The following CNTNAP2 variants were observed in gnomAD, a reference collection of about 807,000 sequenced individuals.
CNTNAP2 encodes contactin-associated protein-like 2.
Under a neutral mutation model 155.2 loss-of-function variants are expected in CNTNAP2, and 98 were observed. That is an observed-to-expected ratio of 0.63 (90% CI 0.54 to 0.75). The LOEUF is 0.75. Among genes scored for constraint, CNTNAP2 ranks in the 30% least tolerant of loss-of-function variants. The probability of loss-of-function intolerance (pLI) is 0.00; values close to 1 mark genes in which losing one functional copy is unlikely to be tolerated. For synonymous variants in CNTNAP2, 651 were observed against 631.2 expected (o/e 1.03, Z -0.47); for missense variants, 1,727 against 1,688.1 (o/e 1.02, Z -0.40).
chr7:147,315,100 AG>A (rs1795201243), intron 9 of CNTNAP2, among the ~76,000 whole-genome samples: 1 of 123,898 alleles, frequency 8.1e-6, no homozygotes, highest in Non-Finnish European at 1.8e-5. Flanking sequence ...AGAACCTTCT[AG>A]GGTACTTTAC....
At chr7:146,837,386 C>T (rs1258004717) in intron 2 of CNTNAP2, among the ~76,000 whole-genome samples, 1 of 152,018 alleles carries the variant, frequency 6.6e-6, no homozygotes, top group Admixed American at 6.6e-5. Flanking sequence ...GTAATTCTTA[C>T]TCCTAAAATT....
intron 1 of CNTNAP2, among the ~76,000 whole-genome samples, chr7:146,464,212 T>A (rs1280290260): frequency 7.7e-6 from 1 of 129,880 alleles, no homozygotes; most frequent in Non-Finnish European, 1.7e-5. Context: ...TTTTTGGCTC[T>A]CTTTCTTTTC....
At chr7:148,041,898 G>A (rs1455452226) in intron 15 of CNTNAP2, among the ~76,000 whole-genome samples, 1 of 152,122 alleles carries the variant, frequency 6.6e-6, no homozygotes, top group Non-Finnish European at 1.5e-5. Flanking sequence ...TTAAAAAACT[G>A]GATATAACTT....
At chr7:148,315,519 A>G (rs1193390531) in intron 21 of CNTNAP2, among the ~76,000 whole-genome samples, 4 of 152,114 alleles carry the variant, frequency 2.6e-5, no homozygotes, top group Non-Finnish European at 4.4e-5. Flanking sequence ...CTTCTTTTGT[A>G]GTGGAATGTC....
At chr7:146,533,611 T>A (rs1296830914) in intron 1 of CNTNAP2, among the ~76,000 whole-genome samples, 1 of 152,134 alleles carries the variant, frequency 6.6e-6, no homozygotes, top group Non-Finnish European at 1.5e-5. Context: ...TGTTCATGGT[T>A]CTTCATATTC....
In CNTNAP2 at chr7:147,386,474, A is replaced by G. The variant is rs1175814034; in HGVS notation, c.1499-9135A>G. 2.0e-5 allele frequency among the ~76,000 whole-genome samples: 3 copies of G among 152,256 alleles called. No homozygotes were observed. The East Asian group carries it at 5.8e-4, about 29-fold the overall frequency. On this transcript the variant is annotated intron_variant, in intron 9 of 23. Coordinates refer to ENST00000361727, the MANE Select transcript of CNTNAP2 (RefSeq NM_014141.6). ...TTTCTGCTTAGAAATTGCTTCTGCC[A>G]GATACCCTAAATCACCTATCTGAAG...
rs564469541 is a variant in CNTNAP2, at chr7:148,002,405, G to GA, written c.2383+24424dup. 9.4e-4 allele frequency among the ~76,000 whole-genome samples: 143 copies of GA among 151,646 alleles called. 1 individual carries two copies. Among genetic ancestry groups the GA allele is most frequent in the Non-Finnish European group, 1.8e-3 (120 of 67,856 alleles). On this transcript the variant is annotated intron_variant, in intron 15 of 23. Coordinates refer to ENST00000361727, the MANE Select transcript of CNTNAP2 (RefSeq NM_014141.6). The stretch of plus-strand genomic sequence containing the variant: ...TCCTTATCTATGACCCTCATTGCTA[G>GA]AAAAAAAATGCGCACTTTTATATAA...
chr7:146,310,441 G>A (rs1800799548), intron 1 of CNTNAP2, among the ~76,000 whole-genome samples: 1 of 152,026 alleles, frequency 6.6e-6, no homozygotes, highest in African/African-American at 2.4e-5. Context: ...CATTGTGCGT[G>A]GATAGAGCAT....
At chr7:147,232,640 A>C (rs1327880876) in intron 8 of CNTNAP2, among the ~76,000 whole-genome samples, 1 of 152,216 alleles carries the variant, frequency 6.6e-6, no homozygotes, top group East Asian at 1.9e-4. Flanking sequence ...TATGTAAAAG[A>C]ATAAAATTAG....
chr7:146,504,955 G>A (rs778827952), intron 1 of CNTNAP2, among the ~76,000 whole-genome samples: 45 of 152,070 alleles, frequency 3.0e-4, no homozygotes, highest in Non-Finnish European at 3.2e-4. Flanking sequence ...ACCACCCCAC[G>A]GTGACATTAC....
chr7:148,366,094 GTA>G lies in CNTNAP2; in HGVS notation c.3476-17553_3476-17552del, dbSNP rs1443311214. ...CATGTATGTGTGTGCATGTATACATGTATGTGTATGCATGTATGCATGTATGT... is the reference window on the plus strand; with the variant it reads ...CATGTATGTGTGTGCATGTATACATGTGTGTATGCATGTATGCATGTATGT... On this transcript the variant is annotated intron_variant, in intron 21 of 23. Coordinates refer to ENST00000361727, the MANE Select transcript of CNTNAP2 (RefSeq NM_014141.6). Among the ~76,000 whole-genome samples, 4 of 24,130 alleles carry G rather than the reference GTA, an allele frequency of 1.7e-4. 1 individual carries two copies. The highest frequency in any genetic ancestry group is 3.3e-4 in the African/African-American group (4 of 12,164). 15.8% of individuals were successfully genotyped at this position (24,130 alleles called of 152,430 possible).
intron 2 of CNTNAP2, among the ~76,000 whole-genome samples, chr7:146,814,308 A>G (rs910122944): frequency 1.3e-5 from 2 of 152,212 alleles, no homozygotes; most frequent in Middle Eastern, 3.4e-3. Context: ...GACCTTTCCA[A>G]TCATTAATCT....
At chr7:146,251,585 TA>T (rs1305518705) in intron 1 of CNTNAP2, among the ~76,000 whole-genome samples, 2 of 152,206 alleles carry the variant, frequency 1.3e-5, no homozygotes, top group African/African-American at 4.8e-5. Context: ...AAGGACCTCA[TA>T]ACACATGATA....
chr7:147,015,658 A>G (rs999756312), intron 3 of CNTNAP2, among the ~76,000 whole-genome samples: 1 of 152,090 alleles, frequency 6.6e-6, no homozygotes, highest in Admixed American at 6.6e-5. Context: ...CTGCTGTTGT[A>G]TCAATATGTA....
At chr7:146,786,195 T>C (rs1563230297) in intron 2 of CNTNAP2, among the ~76,000 whole-genome samples, 1 of 152,220 alleles carries the variant, frequency 6.6e-6, no homozygotes, top group Non-Finnish European at 1.5e-5. Flanking sequence ...TTTCAATATC[T>C]ACTCTCCTGT....
At position 147,323,828 on chromosome 7, in the gene CNTNAP2, ATC is replaced by A. The variant is rs576398358; in HGVS notation, c.1498+23542_1498+23543del. On this transcript the variant is annotated intron_variant, in intron 9 of 23. Coordinates refer to ENST00000361727, the MANE Select transcript of CNTNAP2 (RefSeq NM_014141.6). ...GAATATTTTTTAATTACGCATTTAT[ATC>A]TCTGTTATTCCCAATCATATTTCTG... Among the ~76,000 whole-genome samples the A allele has an allele frequency of 7.2e-5, 11 of 152,316 alleles. No homozygotes were observed. In the South Asian group the frequency reaches 1.4e-3, roughly 20 times the overall value.
intron 12 of CNTNAP2, among the ~76,000 whole-genome samples, chr7:147,608,059 C>T (rs1375346687): frequency 1.3e-5 from 2 of 151,930 alleles, no homozygotes; most frequent in East Asian, 1.9e-4. Flanking sequence ...ATTTGTTATT[C>T]ATCTTCACGT....
chr7:146,160,606 A>G (rs571178519), intron 1 of CNTNAP2, among the ~76,000 whole-genome samples: 2 of 152,316 alleles, frequency 1.3e-5, no homozygotes, highest in African/African-American at 4.8e-5. Flanking sequence ...ATCTAGCAGA[A>G]ATGGATAAAC....
rs56886106 is a variant in CNTNAP2, at chr7:146,380,784, C to CTTT, written c.97+263842_97+263844dup. Among the ~76,000 whole-genome samples the CTTT allele has an allele frequency of 3.8e-3, 147 of 38,858 alleles. 2 individuals carry two copies. Among genetic ancestry groups the CTTT allele is most frequent in the Admixed American group, 5.5e-3 (10 of 1,824 alleles). 25.5% of individuals were successfully genotyped at this position (38,858 alleles called of 152,430 possible). ...ATATTTCTTGCTTCTTATGCACGTT[C>CTTT]TTTTTTTTTTTTTTTTTTTTTTTTT... On this transcript the variant is annotated intron_variant, in intron 1 of 23. Coordinates refer to ENST00000361727, the MANE Select transcript of CNTNAP2 (RefSeq NM_014141.6).
Sources: allele counts gnomAD v4.1 joint callset (sites outside exome capture counted in the v4.1 genomes callset), GRCh38; gene constraint gnomAD v4.1.1; transcripts MANE v1.5; gene names NCBI Gene and HGNC (gene_info 2026-07-23, HGNC 2026-07-21).